The following MEI4 variants were observed in gnomAD, a reference collection of about 807,000 sequenced individuals.
MEI4 encodes meiosis-specific protein MEI4.
A neutral mutation model predicts 31.4 loss-of-function variants in MEI4; 27 were observed. The ratio of observed to expected loss-of-function variants is 0.86; its 90% CI spans 0.63 to 1.19. The LOEUF is 1.19. MEI4 is among the 50% of genes most tolerant of loss of function. MEI4 has a pLI of 0.00. For synonymous variants in MEI4, 122 were observed against 145.4 expected, an observed-to-expected ratio of 0.84 and a Z score of 1.16; for missense variants, 329 against 398.9, an observed-to-expected ratio of 0.82 and a Z score of 1.49.
At chr6:77,761,753 C>T in intron 3 of MEI4, 88 bp downstream of exon 3, 2 of 949,780 alleles carry the variant, frequency 2.1e-6, no homozygotes, top group Non-Finnish European at 2.7e-6. Flanking sequence ...GTCCCTTAGC[C>T]TTGTGGCTCA....
chr6:77,756,887 T>C (rs1767932169), intron 2 of MEI4, among the ~76,000 whole-genome samples: 1 of 152,202 alleles, frequency 6.6e-6, no homozygotes, highest in African/African-American at 2.4e-5. Flanking sequence ...GATGATTCTA[T>C]TGTTTAGTGA....
At chr6:77,864,510 C>T (rs150291808) in intron 4 of MEI4, among the ~76,000 whole-genome samples, 44,649 of 152,008 alleles carry the variant, frequency 0.29, 7,127 homozygotes, top group South Asian at 0.38. Context: ...GTAAAAGGAT[C>T]AATTCAACAA....
At chr6:77,711,734 CT>C (rs1766470492) in intron 2 of MEI4, among the ~76,000 whole-genome samples, 1 of 152,054 alleles carries the variant, frequency 6.6e-6, no homozygotes, top group Admixed American at 6.5e-5. Flanking sequence ...CTTTTTTTCT[CT>C]TGTAAAGGTA....
At chr6:77,909,387 TCC>T (rs1030457506) in intron 4 of MEI4, among the ~76,000 whole-genome samples, 17 of 152,044 alleles carry the variant, frequency 1.1e-4, no homozygotes, top group African/African-American at 4.1e-4. Flanking sequence ...TCACCACCGA[TCC>T]CACAGAAATA....
intron 2 of MEI4, among the ~76,000 whole-genome samples, chr6:77,742,670 G>T (rs911806426): frequency 6.6e-6 from 1 of 152,186 alleles, no homozygotes; most frequent in African/African-American, 2.4e-5. Flanking sequence ...ATTGCTTTTG[G>T]TGTTTTAGAC....
chr6:77,698,331 G>C (rs980058626), intron 2 of MEI4, among the ~76,000 whole-genome samples: 3 of 152,144 alleles, frequency 2.0e-5, no homozygotes, highest in African/African-American at 7.2e-5. Flanking sequence ...TGGTTATTTT[G>C]CTCGTTAGTT....
At chr6:77,862,436 A>G (rs571012709) in intron 4 of MEI4, among the ~76,000 whole-genome samples, 20 of 152,228 alleles carry the variant, frequency 1.3e-4, no homozygotes, top group African/African-American at 4.8e-4. Context: ...TATCCCACGC[A>G]TGGCTCAGAG....
chr6:77,775,755 T>A (rs890957642), intron 3 of MEI4, among the ~76,000 whole-genome samples: 1 of 152,176 alleles, frequency 6.6e-6, no homozygotes, highest in Admixed American at 6.6e-5. Context: ...TACTTTTAGT[T>A]CTTTAAAGAA....
chr6:77,864,231 C>T (rs1029323792), intron 4 of MEI4, among the ~76,000 whole-genome samples: 5 of 152,040 alleles, frequency 3.3e-5, no homozygotes, highest in Non-Finnish European at 7.4e-5. Context: ...CATATAAAAA[C>T]ATTAACCTTA....
chr6:77,918,942 C>T (rs961060619), intron 4 of MEI4, among the ~76,000 whole-genome samples: 18 of 152,082 alleles, frequency 1.2e-4, no homozygotes, highest in African/African-American at 4.1e-4. Flanking sequence ...AAATACGTCC[C>T]ATCAATACCT....
chr6:77,766,968 T>G (rs984186299), intron 3 of MEI4, among the ~76,000 whole-genome samples: 5 of 152,188 alleles, frequency 3.3e-5, no homozygotes, highest in African/African-American at 1.2e-4. Flanking sequence ...TTTGAGATTT[T>G]TTATGTTCAT....
At chr6:77,886,505 A>G (rs1191433111) in intron 4 of MEI4, among the ~76,000 whole-genome samples, 1 of 151,850 alleles carries the variant, frequency 6.6e-6, no homozygotes. Context: ...AGCTCAGCTT[A>G]CTGCAACCTC....
At chr6:77,746,729 A>G (rs1767619028) in intron 2 of MEI4, among the ~76,000 whole-genome samples, 1 of 151,926 alleles carries the variant, frequency 6.6e-6, no homozygotes, top group Non-Finnish European at 1.5e-5. Context: ...AAGGTGTCAA[A>G]GTTAGAATCA....
At chr6:77,671,279 C>T (rs56019393) in intron 1 of MEI4, among the ~76,000 whole-genome samples, 6,562 of 151,916 alleles carry the variant, frequency 0.043, 476 homozygotes, top group African/African-American at 0.15. Flanking sequence ...AGGCTGGTCT[C>T]GAACTCCTGA....
At chr6:77,859,134 T>C (rs917227204) in intron 4 of MEI4, among the ~76,000 whole-genome samples, 1 of 152,152 alleles carries the variant, frequency 6.6e-6, no homozygotes, top group Non-Finnish European at 1.5e-5. Context: ...TTTCTGTTTC[T>C]GTGTTAGTTT....
chr6:77,863,615 G>C (rs1361064989), intron 4 of MEI4, among the ~76,000 whole-genome samples: 2 of 152,226 alleles, frequency 1.3e-5, no homozygotes, highest in Non-Finnish European at 2.9e-5. Flanking sequence ...ATTGGTACCT[G>C]AAAGTGACGG....
chr6:77,692,526 G>C (rs1208327028), intron 2 of MEI4, among the ~76,000 whole-genome samples: 1 of 151,988 alleles, frequency 6.6e-6, no homozygotes, highest in Non-Finnish European at 1.5e-5. Flanking sequence ...TTAAAGCTTT[G>C]ACTAAAGCCT....
At chr6:77,731,920 C>T (rs1322608910) in intron 2 of MEI4, among the ~76,000 whole-genome samples, 6 of 151,252 alleles carry the variant, frequency 4.0e-5, no homozygotes, top group South Asian at 2.1e-4. Flanking sequence ...TCAGGTTTGT[C>T]AAAGATCAGA....
chr6:77,909,351 C>G (rs551687624), intron 4 of MEI4, among the ~76,000 whole-genome samples: 1 of 151,874 alleles, frequency 6.6e-6, no homozygotes, highest in South Asian at 2.1e-4. Context: ...GTCAAACAAA[C>G]GCAATAAAAA....
Sources: allele counts gnomAD v4.1 joint callset (sites outside exome capture counted in the v4.1 genomes callset), GRCh38; gene constraint gnomAD v4.1.1; transcripts MANE v1.5; gene names NCBI Gene and HGNC (gene_info 2026-07-23, HGNC 2026-07-21).